PHACTR3: variants seen among roughly 807,000 people sequenced by gnomAD.
PHACTR3 encodes protein phosphatase 1, regulatory subunit 123.
In PHACTR3, 16 loss-of-function variants were observed where a neutral mutation model predicts 66.8. The observed-to-expected ratio is 0.24, with a 90% CI of 0.16 to 0.36. The LOEUF (loss-of-function observed/expected upper bound fraction) is 0.36, where lower values mean the gene tolerates loss of function less well. Ranked by LOEUF, PHACTR3 falls within the 10% of genes least tolerant of loss-of-function variation. PHACTR3 has a pLI of 1.00. For missense variants in PHACTR3, 647 were observed against 719.9 expected (o/e 0.90, Z 1.16); for synonymous variants, 323 against 292.1 (o/e 1.11, Z -1.08).
At chr20:59,756,112 T>C (rs2039784344) in intron 4 of PHACTR3, among the ~76,000 whole-genome samples, 1 of 151,982 alleles carries the variant, frequency 6.6e-6, no homozygotes, top group Non-Finnish European at 1.5e-5. Context: ...TTCCCAAGGA[T>C]AGGGGAGAAG....
intron 1 of PHACTR3, among the ~76,000 whole-genome samples, chr20:59,663,318 G>A (rs2035877706): frequency 1.3e-5 from 2 of 152,166 alleles, no homozygotes; most frequent in Admixed American, 6.5e-5. Context: ...AGAGAGGGAG[G>A]CGGATTTGCT....
At chr20:59,629,143 C>T (rs577591539) in intron 1 of PHACTR3, among the ~76,000 whole-genome samples, 2 of 152,334 alleles carry the variant, frequency 1.3e-5, no homozygotes, top group African/African-American at 4.8e-5. Context: ...GGCGCCAGGC[C>T]CCTTGGCTCC....
At chr20:59,674,548 C>CCTTCCCCTTCTCCTGTT (rs2036332652) in intron 1 of PHACTR3, among the ~76,000 whole-genome samples, 1 of 104,520 alleles carries the variant, frequency 9.6e-6, no homozygotes, top group African/African-American at 4.6e-5. Flanking sequence ...CCCTTCTGTT[C>CCTTCCCCTTCTCCTGTT]CCTCCTTCTC....
intron 2 of PHACTR3, among the ~76,000 whole-genome samples, chr20:59,744,549 C>G (rs941512524): frequency 6.6e-6 from 1 of 152,220 alleles, no homozygotes; most frequent in Non-Finnish European, 1.5e-5. Flanking sequence ...GGCGCAGGCT[C>G]CAGGGCTTTG....
rs916278813 is a variant in PHACTR3 at position 59,830,143 on chromosome 20, G to C, written c.1329-6362G>C. 6.9e-6 allele frequency among the ~76,000 whole-genome samples: 1 copy of C among 144,972 alleles called. No homozygotes were observed. Among genetic ancestry groups the C allele is most frequent in the African/African-American group, 2.8e-5 (1 of 35,884 alleles). Reference sequence around the variant, plus strand: ...GTGTCTGATGAAAGAGGCTATGACAGACAGGAGCATGTGCGTGTCTGGTGG... The same window carrying C: ...GTGTCTGATGAAAGAGGCTATGACACACAGGAGCATGTGCGTGTCTGGTGG... On this transcript the variant is annotated intron_variant, in intron 8 of 12. Coordinates refer to ENST00000371015, the MANE Select transcript of PHACTR3 (RefSeq NM_080672.5). The surrounding 1 kb of genome is among the most constrained non-coding windows in gnomAD (Gnocchi z 5.8).
At chr20:59,659,422 G>C (rs2146471915) in intron 1 of PHACTR3, among the ~76,000 whole-genome samples, 1 of 137,736 alleles carries the variant, frequency 7.3e-6, no homozygotes, top group Admixed American at 8.3e-5. Flanking sequence ...CACCAGGCTG[G>C]AGTCCAGTTG....
intron 7 of PHACTR3, among the ~76,000 whole-genome samples, chr20:59,802,620 C>A (rs149377757): frequency 6.6e-6 from 1 of 152,100 alleles, no homozygotes; most frequent in Admixed American, 6.5e-5. Context: ...GTGCAGGGAG[C>A]GTGGAAGGCA....
In PHACTR3 at chr20:59,605,872, G is replaced by T. The variant is rs1568929102; in HGVS notation, c.118+740G>T. ...GGGGGGGGAGGTGGGGGGGGGGGTG[G>T]GCTGTGTGCGCCTGTCACCATGGAG... On this transcript the variant is annotated intron_variant, in intron 1 of 12. Transcript: ENST00000371015. Among the ~76,000 whole-genome samples, 2 of 145,160 alleles carry T rather than the reference G, an allele frequency of 1.4e-5. 1 individual carries two copies. The highest frequency in any genetic ancestry group is 3.0e-5 in the Non-Finnish European group (2 of 65,672).
intron 1 of PHACTR3, among the ~76,000 whole-genome samples, chr20:59,731,553 G>A (rs2038763290): frequency 6.6e-6 from 1 of 152,150 alleles, no homozygotes; most frequent in Non-Finnish European, 1.5e-5. Context: ...AATTTCACTT[G>A]GAAAACTGAC....
At chr20:59,781,389 C>A (rs1355494627) in intron 7 of PHACTR3, among the ~76,000 whole-genome samples, 2 of 152,216 alleles carry the variant, frequency 1.3e-5, no homozygotes, top group Admixed American at 6.5e-5. Context: ...CCACGGCGCC[C>A]AGCCTCAGAT....
At chr20:59,714,034 A>G (rs1304035073) in intron 1 of PHACTR3, among the ~76,000 whole-genome samples, 1 of 151,928 alleles carries the variant, frequency 6.6e-6, no homozygotes, top group Non-Finnish European at 1.5e-5. Flanking sequence ...TTATTTTTTC[A>G]TGGCTATTTG....
rs570831370 is a variant in PHACTR3, at chr20:59,772,502, C to T, written c.752-777C>T. On this transcript the variant is annotated intron_variant, in intron 5 of 12. Transcript: ENST00000371015. ...CAGGAGACGAGGGATCTGATCATGGCCTCTCTAAGGAAATGGTATTCTAGC... is the reference window on the plus strand; with the variant it reads ...CAGGAGACGAGGGATCTGATCATGGTCTCTCTAAGGAAATGGTATTCTAGC... Among the ~76,000 whole-genome samples, 11 of 152,256 alleles carry T rather than the reference C, an allele frequency of 7.2e-5. No individual in the cohort carries two copies. The South Asian group carries it at 2.3e-3, about 32-fold the overall frequency.
intron 4 of PHACTR3, among the ~76,000 whole-genome samples, chr20:59,759,173 G>C (rs2039911078): frequency 6.6e-6 from 1 of 152,168 alleles, no homozygotes; most frequent in African/African-American, 2.4e-5. Flanking sequence ...CTATGGCTGG[G>C]ACAACCCCGA....
intron 1 of PHACTR3, among the ~76,000 whole-genome samples, chr20:59,579,048 C>T (rs1004589097): frequency 3.3e-5 from 5 of 152,232 alleles, no homozygotes; most frequent in Admixed American, 2.6e-4. Context: ...CCACAAGTGT[C>T]AGTGCCCTCC....
intron 7 of PHACTR3, among the ~76,000 whole-genome samples, chr20:59,795,837 C>T (rs2041238961): frequency 6.6e-6 from 1 of 152,024 alleles, no homozygotes; most frequent in Admixed American, 6.5e-5. Context: ...CTTCCCTTCA[C>T]TTTCAGTCTG....
Position 59,605,055 on chromosome 20 carries a change from G to T in PHACTR3, c.41G>T (p.Arg14Leu). The change falls in exon 1 of 13, where the codon CGG becomes CTG. Residue 14 changes from arginine to leucine, a missense_variant. This residue lies in a region of PHACTR3 where 577 missense variants were observed against 571.1 expected (regional missense o/e 1.01). Transcript: ENST00000371015. ...SEDGSGCLVS[R>L]GRSQSDPSVL... The stretch of plus-strand genomic sequence containing the variant: ...GACGGGAGCGGCTGCCTCGTGTCGC[G>T]GGGCCGCTCGCAGAGTGACCCCAGC... The T allele has an allele frequency of 4.3e-6, 6 of 1,396,664 alleles. No individual in the cohort carries two copies. The highest frequency in any genetic ancestry group is 5.6e-6 in the Non-Finnish European group (6 of 1,068,110). 86.5% of individuals were successfully genotyped at this position (1,396,664 alleles called of 1,614,324 possible).
intron 7 of PHACTR3, among the ~76,000 whole-genome samples, chr20:59,774,849 A>G (rs1440536529): frequency 2.0e-5 from 3 of 152,172 alleles, no homozygotes; most frequent in Non-Finnish European, 4.4e-5. Context: ...TAGTTGGTGT[A>G]CAGATGCTCA....
In PHACTR3 at chr20:59,738,761, C is replaced by T. The variant is rs1028485714; in HGVS notation, c.119-4346C>T. Reference sequence around the variant, plus strand: ...TGTGTATGTGTGTTTCTGGTGATTGCTGCCGATCCTTTGTGAAGGAGGTGA... The same window carrying T: ...TGTGTATGTGTGTTTCTGGTGATTGTTGCCGATCCTTTGTGAAGGAGGTGA... On this transcript the variant is annotated intron_variant, in intron 1 of 12. Coordinates refer to ENST00000371015, the MANE Select transcript of PHACTR3 (RefSeq NM_080672.5). The surrounding 1 kb of genome is among the most constrained non-coding windows in gnomAD (Gnocchi z 4.4). 6.6e-6 allele frequency among the ~76,000 whole-genome samples: 1 copy of T among 152,140 alleles called. No individual in the cohort carries two copies. The highest frequency in any genetic ancestry group is 1.5e-5 in the Non-Finnish European group (1 of 68,020).
chr20:59,740,441 A>G (rs546003599), intron 1 of PHACTR3, among the ~76,000 whole-genome samples: 1 of 152,206 alleles, frequency 6.6e-6, no homozygotes, highest in South Asian at 2.1e-4. Flanking sequence ...CTTAAGTAGC[A>G]TGCACCACCA....
Sources: gnomAD v4.1 joint callset for allele counts (sites outside exome capture counted in the v4.1 genomes callset) on GRCh38, gnomAD v4.1.1 for gene constraint, gnomAD v4.1.1 regional missense constraint, Gnocchi (gnomAD v3.1) non-coding constraint, MANE v1.5 for transcripts, NCBI Gene and HGNC (gene_info 2026-07-23, HGNC 2026-07-21) for gene names.